Variants in NAALAD2 observed in about 807,000 individuals in gnomAD.
The protein encoded by NAALAD2 is N-acetylated-alpha-linked acidic dipeptidase 2.
Under a neutral mutation model 95.6 loss-of-function variants are expected in NAALAD2, and 89 were observed. That is an observed-to-expected ratio of 0.93 (90% CI 0.78 to 1.11). The LOEUF is 1.11. Among genes scored for constraint, NAALAD2 ranks in the 50% least tolerant of loss-of-function variants. The pLI is 0.00. For missense variants in NAALAD2, 894 were observed against 872.4 expected, an observed-to-expected ratio of 1.02 and a Z score of -0.31; for synonymous variants, 264 against 294.4, an observed-to-expected ratio of 0.90 and a Z score of 1.06.
At chr11:90,140,647 AT>A in intron 2 of NAALAD2, among the ~76,000 whole-genome samples, 1 of 152,026 alleles carries the variant, frequency 6.6e-6, no homozygotes, top group African/African-American at 2.4e-5. Context: ...GTGAACAAAT[AT>A]TTTTTCCCAG....
chr11:90,169,930 G>T, intron 12 of NAALAD2, 139 bp from the exon 13 acceptor site: 2 of 650,420 alleles, frequency 3.1e-6, no homozygotes, highest in Admixed American at 2.5e-5. Context: ...TTTCCACCCT[G>T]TTTTATTCTT....
At chr11:90,171,004 T>G (rs1952617486) in intron 13 of NAALAD2, among the ~76,000 whole-genome samples, 1 of 152,134 alleles carries the variant, frequency 6.6e-6, no homozygotes, top group Non-Finnish European at 1.5e-5. Context: ...GTCAGTGTAG[T>G]GAATACATTA....
At chr11:90,181,517 T>G in intron 16 of NAALAD2, 103 bp from the exon 17 acceptor site, 1 of 730,696 alleles carries the variant, frequency 1.4e-6, no homozygotes, top group East Asian at 2.6e-5. Context: ...GAAAAATGGC[T>G]TCGACATCTA....
intron 16 of NAALAD2, 93 bp from the exon 17 acceptor site, chr11:90,181,527 A>G: frequency 1.3e-6 from 1 of 791,786 alleles, no homozygotes; most frequent in Non-Finnish European, 2.2e-6. Context: ...TTCGACATCT[A>G]TGTGGTCATA....
upstream of NAALAD2, among the ~76,000 whole-genome samples, chr11:90,134,020 T>G (rs920893848): frequency 6.6e-6 from 1 of 152,118 alleles, no homozygotes; most frequent in African/African-American, 2.4e-5. Flanking sequence ...CACCATATTT[T>G]GGGAAATTGG....
Position 90,170,141 on chromosome 11 carries a change from A to G in NAALAD2, c.1410+5A>G, listed in dbSNP as rs1463912653. ...GTGTATAAACTGACAAAAGAGGTATATAAGGAAATGTGTCTTCATATGTTC... is the reference window on the plus strand; with the variant it reads ...GTGTATAAACTGACAAAAGAGGTATGTAAGGAAATGTGTCTTCATATGTTC... On this transcript the variant is annotated splice_donor_5th_base_variant and intron_variant, in intron 13 of 18. Coordinates refer to ENST00000534061, the MANE Select transcript of NAALAD2 (RefSeq NM_005467.4). 1 of 1,540,692 alleles carries G rather than the reference A, an allele frequency of 6.5e-7. No individual in the cohort carries two copies. Among genetic ancestry groups the G allele is most frequent in the Admixed American group, 1.7e-5 (1 of 59,918 alleles).
chr11:90,188,125 A>G (rs906200643), intron 18 of NAALAD2, among the ~76,000 whole-genome samples: 4 of 152,148 alleles, frequency 2.6e-5, no homozygotes, highest in African/African-American at 9.7e-5. Flanking sequence ...TAATTGGCCA[A>G]AACTTGGTGA....
chr11:90,171,769 G>A (rs971715282), intron 13 of NAALAD2, among the ~76,000 whole-genome samples: 1 of 152,146 alleles, frequency 6.6e-6, no homozygotes, highest in Non-Finnish European at 1.5e-5. Flanking sequence ...GTGTAGGGGT[G>A]AGAGACAAGG....
intron 15 of NAALAD2, among the ~76,000 whole-genome samples, chr11:90,177,583 C>CTTTT (rs1565543926): frequency 5.2e-5 from 1 of 19,406 alleles, no homozygotes; most frequent in East Asian, 1.3e-3. Context: ...TTTTCTTTTT[C>CTTTT]TTGTTTTTTT....
chr11:90,160,893 C>G (rs945299822), intron 8 of NAALAD2, among the ~76,000 whole-genome samples: 5 of 152,170 alleles, frequency 3.3e-5, no homozygotes, highest in East Asian at 3.8e-4. Flanking sequence ...ACTAGATTCT[C>G]TCATGTCTCA....
intron 2 of NAALAD2, among the ~76,000 whole-genome samples, chr11:90,142,242 C>A (rs757739467): frequency 2.6e-5 from 4 of 151,956 alleles, no homozygotes; most frequent in Non-Finnish European, 5.9e-5. Context: ...CAAATTTAAT[C>A]CAGAGGTATG....
rs1952076944 is a variant in NAALAD2, at chr11:90,155,612, TATAAATTACATATATATTA to T, written c.797-2529_797-2511del. ...TATATATGTAATAATATATATTACA[TATAAATTACATATATATTA>T]ATATATATATAATTATTACATATGT... On this transcript the variant is annotated intron_variant, in intron 6 of 18. Transcript: ENST00000534061. Among the ~76,000 whole-genome samples, 10 of 70,396 alleles carry T rather than the reference TATAAATTACATATATATTA, an allele frequency of 1.4e-4. 1 individual carries two copies. In the South Asian group the frequency reaches 2.0e-3, roughly 14 times the overall value. The allele number at this position is 70,396 out of a possible 152,430, so 46.2% of individuals were successfully genotyped here.
upstream of NAALAD2, chr11:90,134,503 G>C: frequency 2.0e-6 from 1 of 498,704 alleles, no homozygotes; most frequent in South Asian, 2.5e-5. Flanking sequence ...ACTATGTCCG[G>C]GTTACTGCGG....
At chr11:90,134,898 A>G (rs1951416992) in intron 1 of NAALAD2, 58 bp downstream of exon 1, 1 of 1,581,126 alleles carries the variant, frequency 6.3e-7, no homozygotes, top group African/African-American at 1.3e-5. Flanking sequence ...TGCAGAGATA[A>G]AGGGAGAAAT....
At chr11:90,167,218 C>A (rs996226962) in intron 11 of NAALAD2, among the ~76,000 whole-genome samples, 1 of 152,060 alleles carries the variant, frequency 6.6e-6, no homozygotes, top group Non-Finnish European at 1.5e-5. Context: ...ACCGGGGCTG[C>A]GCGGGCGCTT....
chr11:90,150,115 C>A (rs1431582766), intron 4 of NAALAD2, among the ~76,000 whole-genome samples: 2 of 151,992 alleles, frequency 1.3e-5, no homozygotes, highest in Admixed American at 6.6e-5. Flanking sequence ...ATTATCTGGG[C>A]ATGGTGGCGC....
chr11:90,170,653 G>A (rs1316335402), intron 13 of NAALAD2, among the ~76,000 whole-genome samples: 3 of 152,186 alleles, frequency 2.0e-5, no homozygotes, highest in Non-Finnish European at 1.5e-5. Context: ...ATGTATGATG[G>A]AGAACAGTTA....
intron 18 of NAALAD2, among the ~76,000 whole-genome samples, chr11:90,184,198 ACCT>A (rs1857054125): frequency 6.6e-6 from 1 of 152,140 alleles, no homozygotes; most frequent in African/African-American, 2.4e-5. Flanking sequence ...TTTATATGTT[ACCT>A]TTCTTATAAA....
intron 15 of NAALAD2, among the ~76,000 whole-genome samples, chr11:90,177,594 T>TG (rs1952836097): frequency 2.1e-5 from 1 of 47,606 alleles, no homozygotes; most frequent in Non-Finnish European, 4.1e-5. Context: ...TTGTTTTTTT[T>TG]TTTTTTTTTT....
Sources: allele counts gnomAD v4.1 joint callset (sites outside exome capture counted in the v4.1 genomes callset), GRCh38; gene constraint gnomAD v4.1.1; transcripts MANE v1.5; gene names NCBI Gene and HGNC (gene_info 2026-07-23, HGNC 2026-07-21).